ANKRD36B: variants seen among roughly 807,000 people sequenced by gnomAD.
ANKRD36B encodes the protein ankyrin repeat domain 36B, also known as ankyrin repeat domain-containing protein 36B.
Under a neutral mutation model 135.7 loss-of-function variants are expected in ANKRD36B, and 37 were observed. The observed-to-expected ratio is 0.27, with a 90% confidence interval of 0.21 to 0.36. ANKRD36B has a LOEUF of 0.36. ANKRD36B is among the 10% of genes least tolerant of loss of function. ANKRD36B has a pLI of 1.00. For synonymous variants in ANKRD36B, 179 were observed against 348.1 expected, an observed-to-expected ratio of 0.51 and a Z score of 5.41; for missense variants, 549 against 1,037.1, an observed-to-expected ratio of 0.53 and a Z score of 6.46.
In ANKRD36B at chr2:97,580,314, T is replaced by G. The variant is rs536826188; in HGVS notation, c.557+148A>C. On this transcript the variant is annotated intron_variant, in intron 4 of 43. Coordinates refer to ENST00000359901, the MANE Select transcript of ANKRD36B (RefSeq NM_001393939.1). ...CCAAATAATTGTTTTTCTACCTAAG[T>G]GATGATCTGTGTTGATATTTCTCAC... is the stretch of plus-strand genomic sequence containing the variant. 675 of 653,712 alleles carry G rather than the reference T, an allele frequency of 1.0e-3. 4 individuals carry two copies. In the African/African-American group the frequency reaches 0.011, roughly 10 times the overall value. 40.5% of individuals were successfully genotyped at this position (653,712 alleles called of 1,614,324 possible).
At chr2:97,566,026 C>T (rs2081401000) in intron 6 of ANKRD36B, among the ~76,000 whole-genome samples, 1 of 151,738 alleles carries the variant, frequency 6.6e-6, no homozygotes, top group Non-Finnish European at 1.5e-5. Flanking sequence ...AAAAAAAAAT[C>T]ATACAGGCTG....
In ANKRD36B at chr2:97,578,950, A is replaced by C; in HGVS notation, c.651T>G (p.Tyr217Ter). The change falls in exon 5 of 44, where the codon TAT (tyrosine) becomes TAG (stop). Residue 217 changes from tyrosine (Y) to a stop codon, truncating the protein, a stop_gained. Transcript: ENST00000359901. LOFTEE classifies it high-confidence loss of function. Reference protein sequence around the residue: ...HNIDVFSRDVYGKLAEDYASE... With the variant: ...HNIDVFSRDV ...TGGCATAATCTTCTGCAAGCTTTCC[A>C]TACACATCTCGAGAAAACACATCAA... 4.3e-6 allele frequency: 7 copies of C among 1,613,088 alleles called. No homozygotes were observed. Among genetic ancestry groups the C allele is most frequent in the Non-Finnish European group, 5.9e-6 (7 of 1,179,254 alleles).
At chr2:97,540,334 G>C (rs2079091278) in intron 28 of ANKRD36B, 105 bp from the exon 29 acceptor site, 1 of 760,830 alleles carries the variant, frequency 1.3e-6, no homozygotes, top group Non-Finnish European at 2.2e-6. Flanking sequence ...GCCTGTACTA[G>C]GGTAGGATTT....
rs563007185 is a variant in ANKRD36B at position 97,536,224 on chromosome 2, G to C, written c.2191+76C>G. ...AAAATATAAAAAGTGAAATAATTGA[G>C]AATAGAAAGACTATGAGCATTACAA... On this transcript the variant is annotated intron_variant, in intron 34 of 43. Coordinates refer to ENST00000359901, the MANE Select transcript of ANKRD36B (RefSeq NM_001393939.1). The C allele has an allele frequency of 7.0e-4, 385 of 546,450 alleles. 99 individuals are homozygous for C. In the African/African-American group the frequency reaches 7.2e-3, roughly 10 times the overall value. 33.9% of individuals were successfully genotyped at this position (546,450 alleles called of 1,614,324 possible). A position where few individuals can be genotyped will look rare whatever the true frequency, so the allele number is the denominator to read the frequency against.
intron 30 of ANKRD36B, among the ~76,000 whole-genome samples, chr2:97,539,452 T>C (rs6737245): frequency 0.036 from 3,440 of 96,526 alleles, 1,008 homozygotes; most frequent in East Asian, 0.17. Flanking sequence ...CCTAAAGCAG[T>C]CAAAATCAAA....
intron 6 of ANKRD36B, among the ~76,000 whole-genome samples, chr2:97,565,419 A>G (rs570963466): frequency 1.3e-5 from 2 of 152,136 alleles, no homozygotes; most frequent in Admixed American, 6.6e-5. Flanking sequence ...CAGGCAACCT[A>G]CAGAATGGGA....
At chr2:97,566,684 A>G (rs550254986) in intron 6 of ANKRD36B, among the ~76,000 whole-genome samples, 1 of 152,306 alleles carries the variant, frequency 6.6e-6, no homozygotes, top group African/African-American at 2.4e-5. Context: ...ATGAGTAGGC[A>G]TTGTCAAAGA....
At chr2:97,576,786 TTC>T (rs2082263544) in intron 5 of ANKRD36B, among the ~76,000 whole-genome samples, 1 of 151,992 alleles carries the variant, frequency 6.6e-6, no homozygotes, top group Non-Finnish European at 1.5e-5. Flanking sequence ...CAATGTCTTC[TTC>T]TAGATTTTAC....
intron 14 of ANKRD36B, among the ~76,000 whole-genome samples, chr2:97,554,011 C>T (rs529283327): frequency 6.3e-4 from 94 of 149,834 alleles, no homozygotes; most frequent in Non-Finnish European, 1.0e-3. Flanking sequence ...TTAGCCTTCC[C>T]GGACATTTCT....
rs376691097 is a variant in ANKRD36B at position 97,549,453 on chromosome 2, G to T, written c.1443C>A (p.Ala481=). The T allele has an allele frequency of 1.8e-4, 282 of 1,584,526 alleles. 1 individual carries two copies. Among genetic ancestry groups the T allele is most frequent in the Non-Finnish European group, 2.2e-4 (261 of 1,165,180 alleles). ...SVKEDSVLNI[A]REKKDGEKSR... is the part of the protein sequence containing the mutation. Reference sequence around the variant, plus strand: ...ATTTTTCTCCATCCTTTTTTTCTCTGGCTATATTCAAAACAGAATCTTCCT... The same window carrying T: ...ATTTTTCTCCATCCTTTTTTTCTCTTGCTATATTCAAAACAGAATCTTCCT... Residue 481 remains alanine (A), a synonymous_variant, in exon 20 of 44, where the codon GCC becomes GCA. Coordinates refer to ENST00000359901, the MANE Select transcript of ANKRD36B (RefSeq NM_001393939.1).
intron 16 of ANKRD36B, among the ~76,000 whole-genome samples, chr2:97,551,701 G>C (rs2080086078): frequency 1.3e-5 from 2 of 151,874 alleles, no homozygotes; most frequent in South Asian, 4.1e-4. Flanking sequence ...AACATGGTAT[G>C]ATTTCTCATA....
chr2:97,553,900 T>C lies in ANKRD36B; in HGVS notation c.1172-529A>G, dbSNP rs182956167. On this transcript the variant is annotated intron_variant, in intron 14 of 43. Transcript: ENST00000359901. ...TCTTCAGTGAAGTGTCCTAAATTGA[T>C]CAGCTTGGATATATGTTTCCTGAAT... Among the ~76,000 whole-genome samples, 200 of 152,106 alleles carry C rather than the reference T, an allele frequency of 1.3e-3. 3 individuals are homozygous for C. The highest frequency in any genetic ancestry group is 4.6e-3 in the African/African-American group (189 of 41,526).
intron 43 of ANKRD36B, among the ~76,000 whole-genome samples, chr2:97,494,593 C>A (rs1190499248): frequency 9.4e-6 from 1 of 106,744 alleles, no homozygotes; most frequent in Non-Finnish European, 2.6e-5. Context: ...GGGATCAAAT[C>A]TCGACACAAT....
At chr2:97,571,509 G>GGTGGT (rs1159854663) in intron 6 of ANKRD36B, among the ~76,000 whole-genome samples, 1 of 152,078 alleles carries the variant, frequency 6.6e-6, no homozygotes, top group Non-Finnish European at 1.5e-5. Flanking sequence ...AGCTGGGCGT[G>GGTGGT]GTGGTGCATG....
chr2:97,588,049 T>A (rs2104400479), intron 1 of ANKRD36B, among the ~76,000 whole-genome samples: 1 of 151,746 alleles, frequency 6.6e-6, no homozygotes, highest in South Asian at 2.1e-4. Context: ...GGATTTTTTT[T>A]ATTTTGCTAA....
At chr2:97,559,085 T>G (rs1387012964) in intron 8 of ANKRD36B, 91 bp from the exon 9 acceptor site, 2 of 1,562,694 alleles carry the variant, frequency 1.3e-6, no homozygotes, top group Non-Finnish European at 1.7e-6. Flanking sequence ...AAGCTGTATC[T>G]TCCTGCCTGT....
At chr2:97,585,142 T>C (rs770522732) in intron 2 of ANKRD36B, 25 bp from the exon 3 acceptor site, 15 of 1,613,680 alleles carry the variant, frequency 9.3e-6, no homozygotes, top group Non-Finnish European at 1.3e-5. Flanking sequence ...CCGAGAAACA[T>C]GCAAATACTG....
intron 1 of ANKRD36B, among the ~76,000 whole-genome samples, chr2:97,586,709 G>A (rs2083025466): frequency 6.6e-6 from 1 of 152,058 alleles, no homozygotes; most frequent in South Asian, 2.1e-4. Context: ...TGAGGACACT[G>A]ATAAACTAAA....
chr2:97,551,980 T>G (rs937624129), intron 16 of ANKRD36B, among the ~76,000 whole-genome samples: 1 of 151,978 alleles, frequency 6.6e-6, no homozygotes, highest in East Asian at 1.9e-4. Flanking sequence ...ACTTCACATC[T>G]CTTCACTGGT....
Sources: gnomAD v4.1 joint callset for allele counts (sites outside exome capture counted in the v4.1 genomes callset) on GRCh38, gnomAD v4.1.1 for gene constraint, MANE v1.5 for transcripts, NCBI Gene and HGNC (gene_info 2026-07-23, HGNC 2026-07-21) for gene names.